Variants in ACSM2A observed in about 807,000 individuals in gnomAD.
ACSM2A encodes the protein acyl-coenzyme A synthetase ACSM2A, mitochondrial.
Under a neutral mutation model 76.6 loss-of-function variants are expected in ACSM2A, and 72 were observed. The observed-to-expected ratio is 0.94, with a 90% CI of 0.78 to 1.14. ACSM2A has a LOEUF of 1.14. ACSM2A is among the 50% of genes most tolerant of loss of function. ACSM2A has a pLI of 0.00. For missense variants in ACSM2A, 684 were observed against 708.5 expected, an observed-to-expected ratio of 0.97 and a Z score of 0.39; for synonymous variants, 249 against 255.9, an observed-to-expected ratio of 0.97 and a Z score of 0.26.
At chr16:20,482,977 G>T (rs1468455068) in intron 12 of ACSM2A, 81 bp from the exon 13 acceptor site, 1 of 1,571,802 alleles carries the variant, frequency 6.4e-7, no homozygotes. Flanking sequence ...GGTGATGGAA[G>T]TCTTAATGCC....
chr16:20,472,273 G>A (rs2013463724), intron 6 of ACSM2A, among the ~76,000 whole-genome samples: 1 of 152,144 alleles, frequency 6.6e-6, no homozygotes, highest in Non-Finnish European at 1.5e-5. Context: ...AGCTCTGGAG[G>A]CTGTAAGTCT....
At chr16:20,464,761 G>A (rs577287939) in intron 2 of ACSM2A, among the ~76,000 whole-genome samples, 2 of 152,166 alleles carry the variant, frequency 1.3e-5, no homozygotes, top group East Asian at 3.9e-4. Context: ...AAAGTAGAAT[G>A]GTGTTTATCA....
chr16:20,469,870 G>GTTTTTTTTT lies in ACSM2A; in HGVS notation c.596+152_596+153insTTTTTTTTT, dbSNP rs1567365569. On this transcript the variant is annotated intron_variant, in intron 4 of 13. Transcript: ENST00000573854. ...GGAAGAAATAAAAGCTAACACAAGG[G>GTTTTTTTTT]TATTTTTTTTTTTTTTTTTTTTTTT... The GTTTTTTTTT allele has an allele frequency of 2.7e-5, 16 of 589,460 alleles. 3 individuals carry two copies. The highest frequency in any genetic ancestry group is 4.4e-5 in the African/African-American group (2 of 45,414). The allele number at this position is 589,460 out of a possible 1,614,324, so 36.5% of individuals were successfully genotyped here.
intron 10 of ACSM2A, among the ~76,000 whole-genome samples, chr16:20,479,426 C>G (rs1257568575): frequency 6.6e-6 from 1 of 152,152 alleles, no homozygotes; most frequent in African/African-American, 2.4e-5. Context: ...CCCAGCCACC[C>G]TATAAAGTTT....
chr16:20,469,301 A>T (rs2013219381), intron 3 of ACSM2A, among the ~76,000 whole-genome samples: 1 of 152,172 alleles, frequency 6.6e-6, no homozygotes, highest in African/African-American at 2.4e-5. Context: ...TCTTTGTCTC[A>T]GTAGGGCCCT....
chr16:20,485,255 C>T (rs1243616458), intron 13 of ACSM2A, among the ~76,000 whole-genome samples: 1 of 152,120 alleles, frequency 6.6e-6, no homozygotes, highest in Non-Finnish European at 1.5e-5. Flanking sequence ...TCAAGGAGTC[C>T]TACCACACAG....
chr16:20,479,335 A>G (rs1160833991), intron 10 of ACSM2A, among the ~76,000 whole-genome samples: 1 of 152,226 alleles, frequency 6.6e-6, no homozygotes, highest in African/African-American at 2.4e-5. Context: ...TTGAATGCAT[A>G]TCATGAGGCA....
At chr16:20,463,829 T>C (rs35383018) in intron 2 of ACSM2A, among the ~76,000 whole-genome samples, 5 of 152,356 alleles carry the variant, frequency 3.3e-5, no homozygotes, top group African/African-American at 7.2e-5. Context: ...ATCCATGTAA[T>C]ATATGTCAGA....
At chr16:20,481,287 G>C (rs2014067541) in intron 12 of ACSM2A, 1 of 258,090 alleles carries the variant, frequency 3.9e-6, no homozygotes, top group African/African-American at 2.2e-5. Flanking sequence ...GGTAATTGCA[G>C]CACTATTCAC....
At chr16:20,456,783 G>A (rs1318349478) in intron 1 of ACSM2A, among the ~76,000 whole-genome samples, 2 of 148,096 alleles carry the variant, frequency 1.4e-5, no homozygotes, top group South Asian at 2.2e-4. Flanking sequence ...CCCAGCATAA[G>A]AAAGGAAATA....
At chr16:20,472,652 A>C (rs1432982815) in intron 6 of ACSM2A, among the ~76,000 whole-genome samples, 1 of 151,838 alleles carries the variant, frequency 6.6e-6, no homozygotes, top group Non-Finnish European at 1.5e-5. Context: ...TCTGCCCCCC[A>C]TAAGTTAATC....
intron 4 of ACSM2A, among the ~76,000 whole-genome samples, 153 bp downstream of exon 4, chr16:20,469,872 ATTT>A (rs35674523): frequency 2.1e-3 from 139 of 67,714 alleles, no homozygotes; most frequent in African/African-American, 6.3e-3. Flanking sequence ...ACACAAGGGT[ATTT>A]TTTTTTTTTT....
intron 2 of ACSM2A, among the ~76,000 whole-genome samples, chr16:20,464,359 A>C (rs1428296595): frequency 6.6e-6 from 1 of 152,172 alleles, no homozygotes; most frequent in Non-Finnish European, 1.5e-5. Context: ...ACCTGAGACT[A>C]GGTAACTTAC....
chr16:20,468,330 C>CA (rs1223803666), intron 3 of ACSM2A, among the ~76,000 whole-genome samples: 1 of 152,108 alleles, frequency 6.6e-6, no homozygotes, highest in East Asian at 1.9e-4. Flanking sequence ...TTAAGCTTCA[C>CA]AAAAAATGAA....
chr16:20,471,970 C>T (rs187401030), intron 6 of ACSM2A, among the ~76,000 whole-genome samples: 5 of 152,300 alleles, frequency 3.3e-5, no homozygotes, highest in Non-Finnish European at 5.9e-5. Flanking sequence ...CCGCTGGTGT[C>T]ACCTATCAGA....
At position 20,471,538 on chromosome 16, in the gene ACSM2A, G is replaced by C; in HGVS notation, c.743G>C (p.Trp248Ser). The C allele has an allele frequency of 2.5e-6, 4 of 1,610,612 alleles. No homozygotes were observed. Among genetic ancestry groups the C allele is most frequent in the South Asian group, 2.2e-5 (2 of 90,232 alleles). Reference protein sequence around the residue: ...LGLKAKMDAGWTGLQASDIMW... With the variant: ...LGLKAKMDAGSTGLQASDIMW... The stretch of plus-strand genomic sequence containing the variant: ...ATGTGTTTTGTCTGTGTTTTCAGTT[G>C]GACAGGCCTGCAAGCCTCTGATATA... Residue 248 changes from tryptophan to serine, a missense_variant and splice_region_variant, in exon 6 of 14, where the codon TGG (tryptophan) becomes TCG (serine). Trp to Ser is a radical substitution (Grantham distance 177). Around this residue, in one of 3 missense-constraint regions of ACSM2A, gnomAD observed 519 missense variants for 549.5 expected, o/e 0.94. Coordinates refer to ENST00000573854, the MANE Select transcript of ACSM2A (RefSeq NM_001308172.2).
chr16:20,466,374 G>T (rs1389778752), intron 3 of ACSM2A, among the ~76,000 whole-genome samples: 1 of 152,134 alleles, frequency 6.6e-6, no homozygotes, highest in African/African-American at 2.4e-5. Flanking sequence ...AGAGAGGCTT[G>T]TGCCAAGCAA....
At chr16:20,475,809 C>A (rs1289253006) in intron 8 of ACSM2A, 36 bp downstream of exon 8, 2 of 1,602,548 alleles carry the variant, frequency 1.2e-6, no homozygotes, top group South Asian at 1.1e-5. Flanking sequence ...GCTGTGTGCA[C>A]TTTTTGGGCT....
chr16:20,473,649 C>A lies in ACSM2A; in HGVS notation c.895-1713C>A, dbSNP rs12921964. ...CAAAACTCATGATGAAACTTGTAAA[C>A]CAAAAATAAAATCCTAAGGCCCCAT... is the stretch of plus-strand genomic sequence containing the variant. On this transcript the variant is annotated intron_variant, in intron 6 of 13. Transcript: ENST00000573854. 3.5e-3 allele frequency among the ~76,000 whole-genome samples: 526 copies of A among 152,158 alleles called. 3 individuals are homozygous for A. The highest frequency in any genetic ancestry group is 6.3e-3 in the Non-Finnish European group (430 of 67,986).
Sources: allele counts gnomAD v4.1 joint callset (sites outside exome capture counted in the v4.1 genomes callset), GRCh38; gene constraint gnomAD v4.1.1; regional missense constraint gnomAD v4.1.1; transcripts MANE v1.5; gene names NCBI Gene and HGNC (gene_info 2026-07-23, HGNC 2026-07-21).